ZNF727: variants seen among roughly 807,000 people sequenced by gnomAD.
ZNF727 encodes putative zinc finger protein 727.
In ZNF727, 11 loss-of-function variants were observed where a neutral mutation model predicts 11.5. The ratio of observed to expected loss-of-function variants is 0.95; its 90% CI spans 0.60 to 1.58. The LOEUF is 1.58. Among genes scored for constraint, ZNF727 ranks in the 40% most tolerant of loss-of-function variants. The probability of loss-of-function intolerance (pLI) is 0.00; values close to 1 mark genes in which losing one functional copy is unlikely to be tolerated. For synonymous variants in ZNF727, 171 were observed against 196.1 expected, an observed-to-expected ratio of 0.87 and a Z score of 1.07; for missense variants, 533 against 581.7, an observed-to-expected ratio of 0.92 and a Z score of 0.86.
chr7:64,077,281 T>C lies in ZNF727; in HGVS notation c.232T>C (p.Ser78Pro). The change falls in exon 4 of 4, where the codon TCT becomes CCT. Residue 78 changes from serine to proline, a missense_variant. Ser to Pro is a moderately conservative substitution (Grantham distance 74, BLOSUM62 -1). Transcript: ENST00000456806. ...QKTVAKHPAG[S>P]LHFTAEILLE... ...GGTTCTTTTTTTTTTTTCAGCTGGC[T>C]CTTTGCATTTTACTGCAGAGATATT... is the stretch of plus-strand genomic sequence containing the variant. The C allele has an allele frequency of 5.3e-6, 8 of 1,505,502 alleles. No homozygotes were observed. The highest frequency in any genetic ancestry group is 7.1e-6 in the Non-Finnish European group (8 of 1,129,268). The allele number at this position is 1,505,502 out of a possible 1,614,324, so 93.3% of individuals were successfully genotyped here.
chr7:64,045,548 G>T lies in ZNF727; in HGVS notation c.-74G>T, dbSNP rs1482051760. 8.4e-6 allele frequency: 13 copies of T among 1,544,574 alleles called. No individual in the cohort carries two copies. Among genetic ancestry groups the T allele is most frequent in the South Asian group, 3.6e-5 (3 of 83,936 alleles). On this transcript the variant is annotated 5_prime_UTR_variant, in exon 1 of 4. Transcript: ENST00000456806. ...TTAGCTCCTCGGTGACTCCACCATA[G>T]CCCCTGTTATCCTGTGACCTGCAGG...
Position 64,081,537 on chromosome 7 carries a change from G to A in ZNF727, c.*2988G>A, listed in dbSNP as rs1584160794. The stretch of plus-strand genomic sequence containing the variant: ...AAGCTGGAGTATAGGGAAGAAACAT[G>A]TGAGCTGGTGCAGTCACAGGGGCTG... On this transcript the variant is annotated 3_prime_UTR_variant, in exon 4 of 4. Transcript: ENST00000456806. Among the ~76,000 whole-genome samples the A allele has an allele frequency of 6.6e-6, 1 of 152,134 alleles. No individual in the cohort carries two copies. The highest frequency in any genetic ancestry group is 1.9e-4 in the East Asian group (1 of 5,164).
intron 1 of ZNF727, among the ~76,000 whole-genome samples, chr7:64,066,260 G>A (rs1837337): frequency 0.62 from 94,441 of 152,004 alleles, 30,048 homozygotes; most frequent in Non-Finnish European, 0.68. Context: ...TGCTATTCCC[G>A]TCAAGTTACC....
At chr7:64,059,994 G>A (rs1789745575) in intron 1 of ZNF727, among the ~76,000 whole-genome samples, 3 of 152,076 alleles carry the variant, frequency 2.0e-5, no homozygotes, top group African/African-American at 7.2e-5. Context: ...TGGACAGTAG[G>A]TAACTTCATA....
chr7:64,063,929 A>G (rs1789821996), intron 1 of ZNF727, among the ~76,000 whole-genome samples: 2 of 152,076 alleles, frequency 1.3e-5, no homozygotes. Context: ...CACAGTAAGT[A>G]CTTCCAGGCT....
rs1415573678 is a variant in ZNF727 at position 64,084,644 on chromosome 7, T to C, written c.*6095T>C. On this transcript the variant is annotated 3_prime_UTR_variant, in exon 4 of 4. Coordinates refer to ENST00000456806, the MANE Select transcript of ZNF727 (RefSeq NM_001159522.3). ...TGAGTATAATGGAGCTATATGTTTC[T>C]GAATTCTGAACAACTATTTACAAAA... Among the ~76,000 whole-genome samples the C allele has an allele frequency of 6.6e-6, 1 of 152,210 alleles. No homozygotes were observed. The highest frequency in any genetic ancestry group is 2.4e-5 in the African/African-American group (1 of 41,466).
At chr7:64,061,201 G>A (rs1007175218) in intron 1 of ZNF727, among the ~76,000 whole-genome samples, 3 of 152,090 alleles carry the variant, frequency 2.0e-5, no homozygotes, top group African/African-American at 7.2e-5. Context: ...GGTCCATAGT[G>A]CAGATTAAGT....
intron 1 of ZNF727, among the ~76,000 whole-genome samples, chr7:64,067,506 G>C (rs766167127): frequency 6.6e-6 from 1 of 152,162 alleles, no homozygotes; most frequent in Admixed American, 6.5e-5. Flanking sequence ...ATCAGTGATA[G>C]ACTGGATAAA....
intron 1 of ZNF727, among the ~76,000 whole-genome samples, chr7:64,067,830 A>T (rs1215796170): frequency 6.6e-6 from 1 of 152,078 alleles, no homozygotes; most frequent in Non-Finnish European, 1.5e-5. Flanking sequence ...GGTGCAGCAA[A>T]CCACCTTGAC....
At chr7:64,055,659 G>T (rs1789673401) in intron 1 of ZNF727, among the ~76,000 whole-genome samples, 1 of 152,098 alleles carries the variant, frequency 6.6e-6, no homozygotes, top group Admixed American at 6.5e-5. Context: ...GTTTTAGTTA[G>T]CATAATGTCC....
At chr7:64,057,228 T>A (rs536971228) in intron 1 of ZNF727, among the ~76,000 whole-genome samples, 3 of 152,340 alleles carry the variant, frequency 2.0e-5, no homozygotes, top group East Asian at 1.9e-4. Context: ...ATGTATTTTT[T>A]AATTAACCTT....
Position 64,083,992 on chromosome 7 carries a change from C to G in ZNF727, c.*5443C>G, listed in dbSNP as rs1452480681. Among the ~76,000 whole-genome samples the G allele has an allele frequency of 6.6e-6, 1 of 152,112 alleles. No individual in the cohort carries two copies. The highest frequency in any genetic ancestry group is 1.5e-5 in the Non-Finnish European group (1 of 68,038). On this transcript the variant is annotated 3_prime_UTR_variant, in exon 4 of 4. Transcript: ENST00000456806. Reference sequence around the variant, plus strand: ...TTAACTCTTACATTTGATGCTATGTCTTCATTCTAGAATTTATGTGAAAGA... The same window carrying G: ...TTAACTCTTACATTTGATGCTATGTGTTCATTCTAGAATTTATGTGAAAGA...
chr7:64,064,873 C>T (rs946354321), intron 1 of ZNF727, among the ~76,000 whole-genome samples: 3 of 152,128 alleles, frequency 2.0e-5, no homozygotes, highest in Non-Finnish European at 4.4e-5. Flanking sequence ...TGCACTCTCC[C>T]TTTTGTAAGC....
chr7:64,060,610 A>G (rs1346522488), intron 1 of ZNF727, among the ~76,000 whole-genome samples: 1 of 152,224 alleles, frequency 6.6e-6, no homozygotes, highest in Non-Finnish European at 1.5e-5. Flanking sequence ...ATCTTTAGCC[A>G]GTGGGCTAAC....
chr7:64,077,553 C>T lies in ZNF727; in HGVS notation c.504C>T (p.Ser168=). ...TCACTGAACATAAGAAAATTTTTAG[C>T]AGAGAGAAATGCTACAAATGTGAAG... ...SIFTEHKKIF[S]REKCYKCEEC... is the part of the protein sequence containing the mutation. Residue 168 remains serine (S), a synonymous_variant, in exon 4 of 4, where the codon AGC becomes AGT. Transcript: ENST00000456806. 1 of 1,551,292 alleles carries T rather than the reference C, an allele frequency of 6.4e-7. No individual in the cohort carries two copies. Among genetic ancestry groups the T allele is most frequent in the Non-Finnish European group, 8.7e-7 (1 of 1,146,782 alleles).
intron 3 of ZNF727, among the ~76,000 whole-genome samples, chr7:64,072,041 T>C (rs1181822386): frequency 6.6e-6 from 1 of 152,188 alleles, no homozygotes; most frequent in African/African-American, 2.4e-5. Flanking sequence ...TTTTTAATTC[T>C]CAAAACTGCT....
intron 1 of ZNF727, among the ~76,000 whole-genome samples, chr7:64,065,980 G>A (rs1789859703): frequency 6.6e-6 from 1 of 152,114 alleles, no homozygotes. Context: ...GGTTATCACT[G>A]AAGAAGGAGA....
Position 64,045,461 on chromosome 7 carries a change from T to G in ZNF727, c.-161T>G, listed in dbSNP as rs1789485210. The G allele has an allele frequency of 6.8e-6, 7 of 1,034,756 alleles. No individual in the cohort carries two copies. The South Asian group carries it at 9.6e-5, about 14-fold the overall frequency. 64.1% of individuals were successfully genotyped at this position (1,034,756 alleles called of 1,614,324 possible). A position where few individuals can be genotyped will look rare whatever the true frequency, so the allele number is the denominator to read the frequency against. ...GCTCTTCAATATGGCAAGGCCTTCG[T>G]CTCCTAGCTTCTAGGCTCTGAGTCC... On this transcript the variant is annotated 5_prime_UTR_variant, in exon 1 of 4. Coordinates refer to ENST00000456806, the MANE Select transcript of ZNF727 (RefSeq NM_001159522.3).
rs7808723 is a variant in ZNF727, at chr7:64,080,206, T to G, written c.*1657T>G. The stretch of plus-strand genomic sequence containing the variant: ...TGCCTTTGAATGTTGGCCTCTCTAG[T>G]TTGGGGAAATTCTCATGGATGGTAT... On this transcript the variant is annotated 3_prime_UTR_variant, in exon 4 of 4. Coordinates refer to ENST00000456806, the MANE Select transcript of ZNF727 (RefSeq NM_001159522.3). Among the ~76,000 whole-genome samples the G allele has an allele frequency of 0.65, 98,689 of 151,942 alleles. 32,447 individuals are homozygous for G. The highest frequency in any genetic ancestry group is 0.73 in the Admixed American group (11,081 of 15,274).
Sources: allele counts gnomAD v4.1 joint callset (sites outside exome capture counted in the v4.1 genomes callset), GRCh38; gene constraint gnomAD v4.1.1; transcripts MANE v1.5; gene names NCBI Gene and HGNC (gene_info 2026-07-23, HGNC 2026-07-21).